Variants in RPL13 observed in about 807,000 individuals in gnomAD.
RPL13 encodes the protein large ribosomal subunit protein eL13.
In RPL13, 1 loss-of-function variant was observed where a neutral mutation model predicts 21.4. That is an observed-to-expected ratio of 0.05 (90% CI 0.02 to 0.22). The LOEUF is 0.22. Ranked by LOEUF, RPL13 falls within the 10% of genes least tolerant of loss-of-function variation. The pLI is 1.00. For synonymous variants in RPL13, 143 were observed against 120.5 expected (o/e 1.19, Z -1.23); for missense variants, 289 against 303.0 (o/e 0.95, Z 0.34).
In RPL13 at chr16:89,564,105, G is replaced by A. The variant is rs544566832; in HGVS notation, c.*1063G>A. On this transcript the variant is annotated 3_prime_UTR_variant, in exon 6 of 6. Transcript: ENST00000311528. ...GCTCACAGCAGCACCTGCTCTCCTT[G>A]GCAGCTATGGCCATGACAACCCCAG... 6.6e-6 allele frequency: 1 copy of A among 152,278 alleles called. No individual in the cohort carries two copies. The highest frequency in any genetic ancestry group is 1.5e-5 in the Non-Finnish European group (1 of 68,106). The allele number at this position is 152,278 out of a possible 1,614,324, so 9.4% of individuals were successfully genotyped here. A position where few individuals can be genotyped will look rare whatever the true frequency, so the allele number is the denominator to read the frequency against.
chr16:89,564,505 C>CA lies in RPL13; in HGVS notation c.*1464dup, dbSNP rs2058769180. 6.6e-6 allele frequency: 1 copy of CA among 152,130 alleles called. No homozygotes were observed. Among genetic ancestry groups the CA allele is most frequent in the African/African-American group, 2.4e-5 (1 of 41,374 alleles). 9.4% of individuals were successfully genotyped at this position (152,130 alleles called of 1,614,324 possible). A position where few individuals can be genotyped will look rare whatever the true frequency, so the allele number is the denominator to read the frequency against. On this transcript the variant is annotated 3_prime_UTR_variant, in exon 6 of 6. Coordinates refer to ENST00000311528, the MANE Select transcript of RPL13 (RefSeq NM_000977.4). ...GGTGGATCACCTGATGGTGAAACCT[C>CA]ATCTCTACTGAAAATACAAAAATTA... is the stretch of plus-strand genomic sequence containing the variant.
rs575478236 is a variant in RPL13, at chr16:89,563,908, C to G, written c.*866C>G. 2.0e-5 allele frequency: 3 copies of G among 152,226 alleles called. No individual in the cohort carries two copies. The highest frequency in any genetic ancestry group is 2.9e-5 in the Non-Finnish European group (2 of 68,054). 9.4% of individuals were successfully genotyped at this position (152,226 alleles called of 1,614,324 possible). On this transcript the variant is annotated 3_prime_UTR_variant, in exon 6 of 6. Coordinates refer to ENST00000311528, the MANE Select transcript of RPL13 (RefSeq NM_000977.4). Reference sequence around the variant, plus strand: ...AGATGGCCCTGCCAAGTGTCGGCCTCTCCTGTTAAACAAAAACATTCTAAA... The same window carrying G: ...AGATGGCCCTGCCAAGTGTCGGCCTGTCCTGTTAAACAAAAACATTCTAAA...
Position 89,562,268 on chromosome 16 carries a change from C to T in RPL13, c.421-67C>T. On this transcript the variant is annotated intron_variant, in intron 4 of 5. Coordinates refer to ENST00000311528, the MANE Select transcript of RPL13 (RefSeq NM_000977.4). ...GGAATCCCCAGGGGAAAGTTTGGGGCCAGGTGAGGGTGGAGTCCTTGCAGC... is the reference window on the plus strand; with the variant it reads ...GGAATCCCCAGGGGAAAGTTTGGGGTCAGGTGAGGGTGGAGTCCTTGCAGC... 10 of 1,496,172 alleles carry T rather than the reference C, an allele frequency of 6.7e-6. No homozygotes were observed. The South Asian group carries it at 1.0e-4, about 15-fold the overall frequency. 92.7% of individuals were successfully genotyped at this position (1,496,172 alleles called of 1,614,324 possible). A position where few individuals can be genotyped will look rare whatever the true frequency, so the allele number is the denominator to read the frequency against.
rs971131132 is a variant in RPL13, at chr16:89,563,827, C to G, written c.*785C>G. 2.0e-5 allele frequency: 3 copies of G among 152,256 alleles called. No homozygotes were observed. Among genetic ancestry groups the G allele is most frequent in the Non-Finnish European group, 2.9e-5 (2 of 68,064 alleles). 9.4% of individuals were successfully genotyped at this position (152,256 alleles called of 1,614,324 possible). Reference sequence around the variant, plus strand: ...TGTTGTGCCCGGTAACCATGGTCCTCTTGCTCTGATTAACCCTTCCTTCAA... The same window carrying G: ...TGTTGTGCCCGGTAACCATGGTCCTGTTGCTCTGATTAACCCTTCCTTCAA... On this transcript the variant is annotated 3_prime_UTR_variant, in exon 6 of 6. Coordinates refer to ENST00000311528, the MANE Select transcript of RPL13 (RefSeq NM_000977.4).
rs569092109 is a variant in RPL13 at position 89,564,246 on chromosome 16, C to T, written c.*1204C>T. ...GCGTGGAAATAGGTGATGCTGCTAC[C>T]TCTGCTGCTGCACTCACAGCCACAC... On this transcript the variant is annotated 3_prime_UTR_variant, in exon 6 of 6. Transcript: ENST00000311528. The T allele has an allele frequency of 1.1e-4, 16 of 152,366 alleles. No homozygotes were observed. Among genetic ancestry groups the T allele is most frequent in the African/African-American group, 3.4e-4 (14 of 41,572 alleles). The allele number at this position is 152,366 out of a possible 1,614,324, so 9.4% of individuals were successfully genotyped here.
chr16:89,565,468 TCTC>T (rs1422969400), downstream of RPL13: 3 of 152,190 alleles, frequency 2.0e-5, no homozygotes, highest in Admixed American at 6.5e-5. Flanking sequence ...TGGAGCAAGA[TCTC>T]CTGATCCAGG....
Position 89,562,466 on chromosome 16 carries a change from T to C in RPL13, c.477+75T>C, listed in dbSNP as rs1289972270. ...AACACGTGGGTATCTGAGATGCGGG[T>C]GATGGGGGTCAGGCTTAAGAACGTT... On this transcript the variant is annotated intron_variant, in intron 5 of 5. Coordinates refer to ENST00000311528, the MANE Select transcript of RPL13 (RefSeq NM_000977.4). The C allele has an allele frequency of 2.8e-6, 4 of 1,415,364 alleles. No individual in the cohort carries two copies. The East Asian group carries it at 7.1e-5, about 25-fold the overall frequency. 87.7% of individuals were successfully genotyped at this position (1,415,364 alleles called of 1,614,324 possible).
At position 89,561,726 on chromosome 16, in the gene RPL13, C is replaced by G. The variant is rs763239166; in HGVS notation, c.395C>G (p.Ser132Trp). The G allele has an allele frequency of 5.0e-6, 8 of 1,613,766 alleles. No homozygotes were observed. In the Admixed American group the frequency reaches 1.2e-4, roughly 24 times the overall value. ...SKLILFPRKP[S>W]APKKGDSSAE... The stretch of plus-strand genomic sequence containing the variant: ...CTCATCCTCTTCCCCAGGAAGCCCT[C>G]GGCCCCCAAGAAGGGAGACAGTTCT... The change falls in exon 4 of 6, where the codon TCG becomes TGG. Residue 132 changes from serine to tryptophan, a missense_variant. By Grantham distance (177) the Ser-to-Trp change is radical (BLOSUM62 -3). Transcript: ENST00000311528.
At position 89,561,980 on chromosome 16, in the gene RPL13, C is replaced by T. The variant is rs966447336; in HGVS notation, c.420+229C>T. 9.9e-6 allele frequency: 6 copies of T among 605,056 alleles called. No individual in the cohort carries two copies. The East Asian group carries it at 1.1e-4, about 11-fold the overall frequency. The allele number at this position is 605,056 out of a possible 1,614,324, so 37.5% of individuals were successfully genotyped here. A position where few individuals can be genotyped will look rare whatever the true frequency, so the allele number is the denominator to read the frequency against. ...GGCAGCTTTTTCCATTGACGTTGCT[C>T]TCCCTAAAATGCTTCGTATTCCAAA... On this transcript the variant is annotated intron_variant, in intron 4 of 5. Coordinates refer to ENST00000311528, the MANE Select transcript of RPL13 (RefSeq NM_000977.4).
rs2058762460 is a variant in RPL13 at position 89,563,682 on chromosome 16, C to T, written c.*640C>T. 1 of 152,364 alleles carries T rather than the reference C, an allele frequency of 6.6e-6. No individual in the cohort carries two copies. Among genetic ancestry groups the T allele is most frequent in the Middle Eastern group, 3.4e-3 (1 of 294 alleles). The allele number at this position is 152,364 out of a possible 1,614,324, so 9.4% of individuals were successfully genotyped here. A position where few individuals can be genotyped will look rare whatever the true frequency, so the allele number is the denominator to read the frequency against. ...TGGCCTCAAGCAGTCCTCCCTCAGCCTCCCAAGTAGAGGGGTTTATAGGCA... is the reference window on the plus strand; with the variant it reads ...TGGCCTCAAGCAGTCCTCCCTCAGCTTCCCAAGTAGAGGGGTTTATAGGCA... On this transcript the variant is annotated 3_prime_UTR_variant, in exon 6 of 6. Coordinates refer to ENST00000311528, the MANE Select transcript of RPL13 (RefSeq NM_000977.4).
chr16:89,561,982 C>T (rs1419263053), intron 4 of RPL13: 1 of 600,854 alleles, frequency 1.7e-6, no homozygotes, highest in Non-Finnish European at 2.9e-6. Context: ...ACGTTGCTCT[C>T]CCTAAAATGC....
Position 89,562,406 on chromosome 16 carries a change from A to T in RPL13, c.477+15A>T, listed in dbSNP as rs1481190564. ...CCGTCCGGAACGTAAGTGAACACTTACTCAAATCCAGGCTTCAGACGAGAT... is the reference window on the plus strand; with the variant it reads ...CCGTCCGGAACGTAAGTGAACACTTTCTCAAATCCAGGCTTCAGACGAGAT... On this transcript the variant is annotated intron_variant, in intron 5 of 5. Coordinates refer to ENST00000311528, the MANE Select transcript of RPL13 (RefSeq NM_000977.4). The T allele has an allele frequency of 6.2e-7, 1 of 1,609,026 alleles. No individual in the cohort carries two copies. Among genetic ancestry groups the T allele is most frequent in the South Asian group, 1.1e-5 (1 of 89,928 alleles).
At position 89,561,242 on chromosome 16, in the gene RPL13, A is replaced by C; in HGVS notation, c.120A>C (p.Gln40His). 1 of 1,535,600 alleles carries C rather than the reference A, an allele frequency of 6.5e-7. No homozygotes were observed. Among genetic ancestry groups the C allele is most frequent in the Non-Finnish European group, 8.7e-7 (1 of 1,145,172 alleles). ...ARKIRRRKAR[Q>H]AKARRIAPRP... Reference sequence around the variant, plus strand: ...TCTCCACCAGACGTAAGGCCCGGCAAGCCAAGGCGCGCCGCATCGCCCCGC... The same window carrying C: ...TCTCCACCAGACGTAAGGCCCGGCACGCCAAGGCGCGCCGCATCGCCCCGC... Residue 40 changes from glutamine to histidine, a missense_variant, in exon 3 of 6, where the codon CAA becomes CAC. Physicochemically the swap from Gln to His is conservative, Grantham distance 24. Transcript: ENST00000311528.
chr16:89,561,996 G>A (rs1261366660), intron 4 of RPL13: 3 of 591,864 alleles, frequency 5.1e-6, no homozygotes, highest in African/African-American at 1.9e-5. Context: ...AAAATGCTTC[G>A]TATTCCAAAA....
chr16:89,562,374 G>C lies in RPL13; in HGVS notation c.460G>C (p.Val154Leu). 1 of 1,612,498 alleles carries C rather than the reference G, an allele frequency of 6.2e-7. No individual in the cohort carries two copies. The highest frequency in any genetic ancestry group is 8.5e-7 in the Non-Finnish European group (1 of 1,179,696). The change falls in exon 5 of 6, where the codon GTC (valine) becomes CTC (leucine). Residue 154 changes from valine to leucine, a missense_variant. By Grantham distance (32) the Val-to-Leu change is conservative. Transcript: ENST00000311528. ...ACTGGCCACCCAGCTGACCGGACCG[G>C]TCATGCCCGTCCGGAACGTAAGTGA... ...LKLATQLTGP[V>L]MPVRNVYKKE...
chr16:89,561,870 A>G lies in RPL13; in HGVS notation c.420+119A>G. ...GAGAAGAACCAAAACATTGTGGGTG[A>G]TGAGCTAAGCGGGACTGCTAAGGTT... On this transcript the variant is annotated intron_variant, in intron 4 of 5. Transcript: ENST00000311528. 2.7e-6 allele frequency: 3 copies of G among 1,121,214 alleles called. No individual in the cohort carries two copies. In the South Asian group the frequency reaches 4.6e-5, roughly 17 times the overall value. 69.5% of individuals were successfully genotyped at this position (1,121,214 alleles called of 1,614,324 possible).
rs2058737574 is a variant in RPL13 at position 89,560,860 on chromosome 16, CTG to C, written c.-20-79_-20-78del. 9.6e-6 allele frequency: 10 copies of C among 1,046,494 alleles called. No homozygotes were observed. In the Admixed American group the frequency reaches 1.2e-4, roughly 13 times the overall value. 64.8% of individuals were successfully genotyped at this position (1,046,494 alleles called of 1,614,324 possible). On this transcript the variant is annotated intron_variant, in intron 1 of 5. Transcript: ENST00000311528. ...TCTAGGCGCGGCCGGACGGCCCAGTCTGGAGGGTTCGGGGCGGAGGCCCGGGG... is the reference window on the plus strand; with the variant it reads ...TCTAGGCGCGGCCGGACGGCCCAGTCGAGGGTTCGGGGCGGAGGCCCGGGG...
rs765341951 is a variant in RPL13 at position 89,562,489 on chromosome 16, G to A, written c.477+98G>A. On this transcript the variant is annotated intron_variant, in intron 5 of 5. Transcript: ENST00000311528. ...GGTGATGGGGGTCAGGCTTAAGAACGTTAATAGTGGCAGTTGTGGGTGTGG... is the reference window on the plus strand; with the variant it reads ...GGTGATGGGGGTCAGGCTTAAGAACATTAATAGTGGCAGTTGTGGGTGTGG... 1.8e-5 allele frequency: 21 copies of A among 1,143,398 alleles called. No homozygotes were observed. In the South Asian group the frequency reaches 2.5e-4, roughly 13 times the overall value. The allele number at this position is 1,143,398 out of a possible 1,614,324, so 70.8% of individuals were successfully genotyped here.
At chr16:89,562,641 G>A (rs1324037201) in intron 5 of RPL13, 1 of 573,326 alleles carries the variant, frequency 1.7e-6, no homozygotes. Context: ...TCTCTATGCT[G>A]CTTACATTGG....
Sources: gnomAD v4.1 joint callset for allele counts on GRCh38, gnomAD v4.1.1 for gene constraint, MANE v1.5 for transcripts, NCBI Gene and HGNC (gene_info 2026-07-23, HGNC 2026-07-21) for gene names.